The following R3HDM1 variants were observed in gnomAD, a reference collection of about 807,000 sequenced individuals.
R3HDM1 encodes R3H domain containing 1, also known as R3H domain-containing protein 1.
Under a neutral mutation model 141.1 loss-of-function variants are expected in R3HDM1, and 46 were observed. That is an observed-to-expected ratio of 0.33 (90% confidence interval 0.26 to 0.42). The LOEUF is 0.42. Ranked by LOEUF, R3HDM1 falls within the 10% of genes least tolerant of loss-of-function variation. The pLI is 1.00. For synonymous variants in R3HDM1, 435 were observed against 472.9 expected, an observed-to-expected ratio of 0.92 and a Z score of 1.04; for missense variants, 1,184 against 1,368.3, an observed-to-expected ratio of 0.87 and a Z score of 2.12.
intron 19 of R3HDM1, chr2:135,669,432 C>G: frequency 1.0e-6 from 1 of 983,904 alleles, no homozygotes; most frequent in South Asian, 4.7e-5. Context: ...TGTTGATTGA[C>G]ATTATTTCCA....
chr2:135,568,879 AAAT>A (rs906655824), intron 1 of R3HDM1: 7 of 152,180 alleles, frequency 4.6e-5, no homozygotes, highest in African/African-American at 1.4e-4. Flanking sequence ...CCTAAAAGTC[AAAT>A]AATGTGTAAG....
At chr2:135,539,626 G>A (rs1319137300) in intron 1 of R3HDM1, among the ~76,000 whole-genome samples, 1 of 151,816 alleles carries the variant, frequency 6.6e-6, no homozygotes, top group Non-Finnish European at 1.5e-5. Flanking sequence ...GTACCCTGGT[G>A]CATTTAAAAG....
chr2:135,692,985 T>A (rs142625370), intron 21 of R3HDM1, among the ~76,000 whole-genome samples: 5 of 152,292 alleles, frequency 3.3e-5, no homozygotes, highest in African/African-American at 9.6e-5. Context: ...TACTTTAACA[T>A]ACCTACTAGA....
chr2:135,651,792 T>G lies in R3HDM1; in HGVS notation c.1788T>G (p.Gly596=). The G allele has an allele frequency of 6.2e-7, 1 of 1,614,162 alleles. No homozygotes were observed. The highest frequency in any genetic ancestry group is 1.7e-5 in the Admixed American group (1 of 60,024). Residue 596 remains glycine, a synonymous_variant, in exon 18 of 27, where the codon GGT becomes GGG. Coordinates refer to ENST00000683871, the MANE Select transcript of R3HDM1 (RefSeq NM_001378107.1). ...TTGCTCGCCAGCCATCTGCTGATGG[T>G]TCTGACCCTCATGCCGCCATGTTCC... The part of the protein sequence containing the change: ...MSLARQPSAD[G]SDPHAAMFQS...
intron 1 of R3HDM1, among the ~76,000 whole-genome samples, chr2:135,534,610 A>G (rs1210113609): frequency 5.3e-5 from 8 of 152,374 alleles, no homozygotes; most frequent in Admixed American, 4.6e-4. Context: ...AGGAATGTCC[A>G]GTCAGGGTTC....
chr2:135,715,701 G>T lies in R3HDM1; in HGVS notation c.2881+7G>T, dbSNP rs2076093506. On this transcript the variant is annotated splice_region_variant and intron_variant, in intron 24 of 26. Transcript: ENST00000683871. ...CCTTTTGTCCCCGGGCAAGGTAAGT[G>T]CACATGAAACTAGTCACAACTTCAG... 1 of 1,609,296 alleles carries T rather than the reference G, an allele frequency of 6.2e-7. No homozygotes were observed. Among genetic ancestry groups the T allele is most frequent in the African/African-American group, 1.3e-5 (1 of 74,704 alleles).
intron 1 of R3HDM1, chr2:135,568,667 A>G (rs1043796614): frequency 5.9e-5 from 9 of 152,306 alleles, no homozygotes; most frequent in African/African-American, 2.2e-4. Context: ...CAGTTTTTTT[A>G]ACCTTTGAAA....
chr2:135,537,764 C>A (rs892150832), intron 1 of R3HDM1, among the ~76,000 whole-genome samples: 2 of 151,894 alleles, frequency 1.3e-5, no homozygotes, highest in African/African-American at 4.8e-5. Context: ...TCAAGCAATT[C>A]TCCTGCCTTA....
rs1016469197 is a variant in R3HDM1 at position 135,537,132 on chromosome 2, T to G, written c.-250+5499T>G. Among the ~76,000 whole-genome samples the G allele has an allele frequency of 2.6e-5, 4 of 151,080 alleles. 1 individual carries two copies. The highest frequency in any genetic ancestry group is 5.9e-5 in the Non-Finnish European group (4 of 67,882). The stretch of plus-strand genomic sequence containing the variant: ...TGAGGTAGCTTAACTGTGGATTTAC[T>G]TTGTTACCTTGCCCCTCAGTGGGGA... On this transcript the variant is annotated intron_variant, in intron 1 of 26. Transcript: ENST00000683871.
At chr2:135,689,180 C>T (rs1322179718) in intron 21 of R3HDM1, among the ~76,000 whole-genome samples, 1 of 152,120 alleles carries the variant, frequency 6.6e-6, no homozygotes, top group Non-Finnish European at 1.5e-5. Flanking sequence ...CTACACTAAC[C>T]AGCCCTTTAG....
chr2:135,713,900 A>G (rs1213960648), intron 23 of R3HDM1, among the ~76,000 whole-genome samples: 1 of 152,208 alleles, frequency 6.6e-6, no homozygotes, highest in Non-Finnish European at 1.5e-5. Context: ...TCCATAGAAT[A>G]AAATAAGAAT....
intron 21 of R3HDM1, among the ~76,000 whole-genome samples, chr2:135,691,414 G>C (rs1017512713): frequency 6.6e-6 from 1 of 152,122 alleles, no homozygotes; most frequent in Non-Finnish European, 1.5e-5. Flanking sequence ...AGGAGTTCAA[G>C]ACCAGCCTGG....
Position 135,645,542 on chromosome 2 carries a change from G to T in R3HDM1, c.1623+15G>T, listed in dbSNP as rs1462108840. The stretch of plus-strand genomic sequence containing the variant: ...TTTTCTCACAGGTGCACATATCCAT[G>T]ATTACATAATGCTAAGTTGACTTGC... On this transcript the variant is annotated intron_variant, in intron 16 of 26. Coordinates refer to ENST00000683871, the MANE Select transcript of R3HDM1 (RefSeq NM_001378107.1). The T allele has an allele frequency of 6.2e-7, 1 of 1,611,738 alleles. No individual in the cohort carries two copies. Among genetic ancestry groups the T allele is most frequent in the Non-Finnish European group, 8.5e-7 (1 of 1,178,836 alleles).
chr2:135,675,650 A>AGT (rs2069059519), intron 20 of R3HDM1, among the ~76,000 whole-genome samples, 164 bp downstream of exon 20: 1 of 104,648 alleles, frequency 9.6e-6, no homozygotes, highest in South Asian at 4.2e-4. Context: ...ACAACTTTAT[A>AGT]GTCAAGAGTT....
chr2:135,567,178 T>C (rs1702982396), intron 1 of R3HDM1, among the ~76,000 whole-genome samples: 1 of 152,180 alleles, frequency 6.6e-6, no homozygotes, highest in Non-Finnish European at 1.5e-5. Context: ...AGCAGTATCC[T>C]ACCAATCTGC....
At chr2:135,705,567 T>A (rs1231815058) in intron 21 of R3HDM1, among the ~76,000 whole-genome samples, 1 of 152,010 alleles carries the variant, frequency 6.6e-6, no homozygotes, top group Non-Finnish European at 1.5e-5. Flanking sequence ...GCCCAAGTGT[T>A]CAGTGCTTCA....
At chr2:135,659,196 C>G (rs548634493) in intron 18 of R3HDM1, among the ~76,000 whole-genome samples, 17 of 152,148 alleles carry the variant, frequency 1.1e-4, no homozygotes, top group African/African-American at 3.9e-4. Context: ...CTCCCAGATT[C>G]AAGCAATTCT....
Position 135,725,240 on chromosome 2 carries a change from A to G in R3HDM1, c.*948A>G, listed in dbSNP as rs1447613937. 1 of 150,526 alleles carries G rather than the reference A, an allele frequency of 6.6e-6. No individual in the cohort carries two copies. Among genetic ancestry groups the G allele is most frequent in the Non-Finnish European group, 1.5e-5 (1 of 67,958 alleles). 9.3% of individuals were successfully genotyped at this position (150,526 alleles called of 1,614,324 possible). On this transcript the variant is annotated 3_prime_UTR_variant, in exon 27 of 27. Coordinates refer to ENST00000683871, the MANE Select transcript of R3HDM1 (RefSeq NM_001378107.1). ...ATGTGTGCTGATGCAAGCCTTTTTC[A>G]GTTCAAGAGAATAAATGTTTACAAA...
intron 21 of R3HDM1, among the ~76,000 whole-genome samples, chr2:135,689,813 GGA>G (rs2072022047): frequency 6.6e-6 from 1 of 152,146 alleles, no homozygotes; most frequent in African/African-American, 2.4e-5. Flanking sequence ...TCCTTAGTGT[GGA>G]GAGAAAATTA....
Sources: allele counts gnomAD v4.1 joint callset (sites outside exome capture counted in the v4.1 genomes callset), GRCh38; gene constraint gnomAD v4.1.1; transcripts MANE v1.5; gene names NCBI Gene and HGNC (gene_info 2026-07-23, HGNC 2026-07-21).